The following COMMD10 variants were observed in gnomAD, a reference collection of about 807,000 sequenced individuals.
COMMD10 encodes COMM domain-containing protein 10.
In COMMD10, 33 loss-of-function variants were observed where a neutral mutation model predicts 28.9. That is an observed-to-expected ratio of 1.14 (90% CI 0.87 to 1.53). The LOEUF (loss-of-function observed/expected upper bound fraction) is 1.53. Among genes scored for constraint, COMMD10 ranks in the 40% most tolerant of loss-of-function variants. The probability of loss-of-function intolerance (pLI) is 0.00; values close to 1 mark genes in which losing one functional copy is unlikely to be tolerated. For synonymous variants in COMMD10, 110 were observed against 81.7 expected, an observed-to-expected ratio of 1.35 and a Z score of -1.87; for missense variants, 310 against 233.4, an observed-to-expected ratio of 1.33 and a Z score of -2.14.
chr5:116,275,983 C>G (rs578020103), intron 5 of COMMD10, among the ~76,000 whole-genome samples: 5 of 151,016 alleles, frequency 3.3e-5, no homozygotes, highest in African/African-American at 1.2e-4. Context: ...TGGTACTACC[C>G]TTGACCTTAA....
intron 5 of COMMD10, among the ~76,000 whole-genome samples, chr5:116,272,820 A>G (rs141125495): frequency 6.6e-5 from 10 of 151,850 alleles, no homozygotes; most frequent in East Asian, 1.9e-4. Context: ...AGCTGAACCA[A>G]TTGAGATGTC....
chr5:116,224,067 C>T (rs929882282), intron 5 of COMMD10, among the ~76,000 whole-genome samples: 2 of 152,142 alleles, frequency 1.3e-5, no homozygotes, highest in African/African-American at 2.4e-5. Context: ...ACTTCCATCT[C>T]TTGGACTATT....
At chr5:116,276,493 C>T (rs1554060022) in intron 5 of COMMD10, among the ~76,000 whole-genome samples, 1 of 151,764 alleles carries the variant, frequency 6.6e-6, no homozygotes, top group Admixed American at 6.6e-5. Flanking sequence ...ACCTCAGCCT[C>T]CCAGAGTGCT....
At chr5:116,194,179 G>A (rs1034491596) in intron 5 of COMMD10, among the ~76,000 whole-genome samples, 3 of 152,078 alleles carry the variant, frequency 2.0e-5, no homozygotes, top group African/African-American at 7.2e-5. Flanking sequence ...GTGCTAAGAG[G>A]AAAGTTCATA....
chr5:116,242,356 G>A (rs370842303), intron 5 of COMMD10, among the ~76,000 whole-genome samples: 3 of 152,276 alleles, frequency 2.0e-5, no homozygotes, highest in African/African-American at 7.2e-5. Context: ...TTAGCTATGT[G>A]GTTTTTGAGA....
In COMMD10 at chr5:116,092,670, G is replaced by T. The variant is rs753944491; in HGVS notation, c.369G>T (p.Lys123Asn). The change falls in exon 4 of 7, where the codon AAG (lysine) becomes AAT (asparagine). Residue 123 changes from lysine (K) to asparagine (N), a missense_variant. By Grantham distance (94) the Lys-to-Asn change is moderately conservative. Coordinates refer to ENST00000274458, the MANE Select transcript of COMMD10 (RefSeq NM_016144.4). The stretch of plus-strand genomic sequence containing the variant: ...CTATGGGTCAAGAAACAGTTGAAAA[G>T]TTCCGGCAGAGAATTCTGGCTCCCT... The part of the protein sequence containing the change: ...WSSMGQETVE[K>N]FRQRILAPCK... 1.2e-6 allele frequency: 2 copies of T among 1,608,424 alleles called. No homozygotes were observed. The highest frequency in any genetic ancestry group is 1.7e-6 in the Non-Finnish European group (2 of 1,177,316).
chr5:116,091,044 T>C, intron 2 of COMMD10, 35 bp from the exon 3 acceptor site: 1 of 1,277,806 alleles, frequency 7.8e-7, no homozygotes. Context: ...TGCCTGAATA[T>C]GTGCTAATAT....
In COMMD10 at chr5:116,246,893, A is replaced by G. The variant is rs549533957; in HGVS notation, c.511-44624A>G. On this transcript the variant is annotated intron_variant, in intron 5 of 6. Transcript: ENST00000274458. The stretch of plus-strand genomic sequence containing the variant: ...AAACCCCTGGAAGACAACCTAGGCA[A>G]TACCATGCAGGACAATGGCACGGGC... Among the ~76,000 whole-genome samples, 32 of 152,274 alleles carry G rather than the reference A, an allele frequency of 2.1e-4. 1 individual carries two copies. The South Asian group carries it at 2.5e-3, about 12-fold the overall frequency.
At chr5:116,201,107 C>T (rs1403871715) in intron 5 of COMMD10, among the ~76,000 whole-genome samples, 1 of 152,118 alleles carries the variant, frequency 6.6e-6, no homozygotes, top group Non-Finnish European at 1.5e-5. Context: ...CTTTCTCCCA[C>T]CTGGAAGGCT....
chr5:116,238,499 TTAAG>T (rs1434732601), intron 5 of COMMD10, among the ~76,000 whole-genome samples: 1 of 152,204 alleles, frequency 6.6e-6, no homozygotes, highest in Admixed American at 6.5e-5. Context: ...TAAATTCCCA[TTAAG>T]TTTTATTCAA....
chr5:116,098,526 A>C (rs1410052928), intron 4 of COMMD10, among the ~76,000 whole-genome samples: 1 of 152,232 alleles, frequency 6.6e-6, no homozygotes, highest in East Asian at 1.9e-4. Flanking sequence ...TACTATGTTA[A>C]ATCCACAGAA....
At chr5:116,183,080 A>C (rs1030710145) in intron 5 of COMMD10, among the ~76,000 whole-genome samples, 1 of 152,126 alleles carries the variant, frequency 6.6e-6, no homozygotes, top group South Asian at 2.1e-4. Flanking sequence ...CAAATTACCC[A>C]GTCTTCGGTA....
At chr5:116,150,481 A>G (rs1050479699) in intron 5 of COMMD10, among the ~76,000 whole-genome samples, 28 of 151,810 alleles carry the variant, frequency 1.8e-4, no homozygotes, top group Non-Finnish European at 2.5e-4. Context: ...GATTCTTCCT[A>G]CCCATGAGCA....
intron 5 of COMMD10, among the ~76,000 whole-genome samples, chr5:116,140,894 G>A (rs1442436162): frequency 6.6e-6 from 1 of 151,684 alleles, no homozygotes; most frequent in African/African-American, 2.4e-5. Flanking sequence ...TGTGTTTTTT[G>A]TTGATGGTTT....
intron 5 of COMMD10, among the ~76,000 whole-genome samples, chr5:116,181,651 T>C (rs894932730): frequency 5.9e-5 from 9 of 151,998 alleles, no homozygotes; most frequent in African/African-American, 1.7e-4. Context: ...AGGATGCTTC[T>C]GGTCCAAGGA....
Position 116,151,249 on chromosome 5 carries a change from G to T in COMMD10, c.510+17071G>T, listed in dbSNP as rs1752516594. The stretch of plus-strand genomic sequence containing the variant: ...GGATAAGCTTTTTGATGTGCTGCTG[G>T]ATTTGGTTTGCCAGTATTTTATTGA... On this transcript the variant is annotated intron_variant, in intron 5 of 6. Transcript: ENST00000274458. Among the ~76,000 whole-genome samples, 3 of 151,702 alleles carry T rather than the reference G, an allele frequency of 2.0e-5. 1 individual carries two copies. Among genetic ancestry groups the T allele is most frequent in the African/African-American group, 7.3e-5 (3 of 41,250 alleles).
chr5:116,163,292 A>AG (rs1752978710), intron 5 of COMMD10, among the ~76,000 whole-genome samples: 1 of 151,890 alleles, frequency 6.6e-6, no homozygotes, highest in African/African-American at 2.4e-5. Flanking sequence ...ATTTAAAAAA[A>AG]GATAAACCAG....
intron 5 of COMMD10, among the ~76,000 whole-genome samples, chr5:116,162,458 G>T (rs915380339): frequency 3.9e-5 from 6 of 152,190 alleles, no homozygotes; most frequent in Admixed American, 6.5e-5. Context: ...CACAGAAGTT[G>T]CATAATAGCT....
intron 5 of COMMD10, among the ~76,000 whole-genome samples, chr5:116,185,202 A>G (rs1429937048): frequency 4.0e-5 from 6 of 151,314 alleles, no homozygotes; most frequent in Admixed American, 1.3e-4. Flanking sequence ...CCAAACTACA[A>G]TGTATGTCTT....
Sources: allele counts gnomAD v4.1 joint callset (sites outside exome capture counted in the v4.1 genomes callset), GRCh38; gene constraint gnomAD v4.1.1; transcripts MANE v1.5; gene names NCBI Gene and HGNC (gene_info 2026-07-23, HGNC 2026-07-21).